Variants in GREM1 observed in about 807,000 individuals in gnomAD.
GREM1 encodes gremlin 1, DAN family BMP antagonist, also known as gremlin-1.
In GREM1, 6 loss-of-function variants were observed where a neutral mutation model predicts 13.1. The observed-to-expected ratio is 0.46, with a 90% confidence interval of 0.25 to 0.91. The LOEUF (loss-of-function observed/expected upper bound fraction) is 0.91, where lower values mean the gene tolerates loss of function less well. Among genes scored for constraint, GREM1 ranks in the 40% least tolerant of loss-of-function variants. The pLI, the probability that GREM1 is intolerant of heterozygous loss-of-function variation, is 0.18. For synonymous variants in GREM1, 98 were observed against 93.7 expected, an observed-to-expected ratio of 1.05 and a Z score of -0.27; for missense variants, 185 against 233.9, an observed-to-expected ratio of 0.79 and a Z score of 1.36.
rs538327429 is a variant in GREM1, at chr15:32,742,462, A to G, written c.*11217A>G. 6.6e-6 allele frequency: 1 copy of G among 152,310 alleles called. No individual in the cohort carries two copies. Among genetic ancestry groups the G allele is most frequent in the South Asian group, 2.1e-4 (1 of 4,824 alleles). 9.4% of individuals were successfully genotyped at this position (152,310 alleles called of 1,614,324 possible). ...ATGCCCATATTACCCAAAGTGATCT[A>G]TAGATTCATGCAATCCCCATCAAAA... On this transcript the variant is annotated 3_prime_UTR_variant, in exon 2 of 2. Transcript: ENST00000651154.
In GREM1 at chr15:32,730,672, T is replaced by G; in HGVS notation, c.-1-18T>G. The stretch of plus-strand genomic sequence containing the variant: ...GCCATGTTTTGTGTCTTCCCCTCTC[T>G]GTGCTTCCTTTCTTTAGTATGAGCC... On this transcript the variant is annotated intron_variant, in intron 1 of 1. Transcript: ENST00000651154. The G allele has an allele frequency of 2.0e-6, 3 of 1,508,386 alleles. No individual in the cohort carries two copies. The highest frequency in any genetic ancestry group is 2.7e-6 in the Non-Finnish European group (3 of 1,126,198). The allele number at this position is 1,508,386 out of a possible 1,614,324, so 93.4% of individuals were successfully genotyped here. A position where few individuals can be genotyped will look rare whatever the true frequency, so the allele number is the denominator to read the frequency against.
At position 32,731,267 on chromosome 15, in the gene GREM1, C is replaced by T. The variant is rs1368755506; in HGVS notation, c.*22C>T. 1.3e-6 allele frequency: 2 copies of T among 1,588,288 alleles called. No individual in the cohort carries two copies. Among genetic ancestry groups the T allele is most frequent in the East Asian group, 4.5e-5 (2 of 44,734 alleles). On this transcript the variant is annotated 3_prime_UTR_variant, in exon 2 of 2. Coordinates refer to ENST00000651154, the MANE Select transcript of GREM1 (RefSeq NM_013372.7). ...TTAAGCCAAATCCAGGTGCACCCAG[C>T]ATGTCCTAGGAATGCAGCCCCAGGA...
chr15:32,742,139 T>C lies in GREM1; in HGVS notation c.*10894T>C, dbSNP rs2055767291. The C allele has an allele frequency of 6.6e-6, 1 of 152,188 alleles. No homozygotes were observed. Among genetic ancestry groups the C allele is most frequent in the Non-Finnish European group, 1.5e-5 (1 of 68,018 alleles). 9.4% of individuals were successfully genotyped at this position (152,188 alleles called of 1,614,324 possible). ...AGGATATTGGGCTGTAATTTTCTTT[T>C]CTTGTGGTGTCTTTGTCCGGCTTTA... is the stretch of plus-strand genomic sequence containing the variant. On this transcript the variant is annotated 3_prime_UTR_variant, in exon 2 of 2. Coordinates refer to ENST00000651154, the MANE Select transcript of GREM1 (RefSeq NM_013372.7).
chr15:32,718,415 C>T (rs2055336344), intron 1 of GREM1: 1 of 481,194 alleles, frequency 2.1e-6, no homozygotes, highest in Admixed American at 2.3e-5. Context: ...AGGATGACCC[C>T]CACATCCCGT....
In GREM1 at chr15:32,736,757, G is replaced by A. The variant is rs1172525220; in HGVS notation, c.*5512G>A. ...CAAAGAAACAACAACAAACCCTGGG[G>A]AAATGACAGTACGATCAAACCATGC... On this transcript the variant is annotated 3_prime_UTR_variant, in exon 2 of 2. Coordinates refer to ENST00000651154, the MANE Select transcript of GREM1 (RefSeq NM_013372.7). 1 of 152,188 alleles carries A rather than the reference G, an allele frequency of 6.6e-6. No individual in the cohort carries two copies. The highest frequency in any genetic ancestry group is 2.4e-5 in the African/African-American group (1 of 41,444). 9.4% of individuals were successfully genotyped at this position (152,188 alleles called of 1,614,324 possible).
At chr15:32,718,384 A>G in intron 1 of GREM1, 1 of 494,152 alleles carries the variant, frequency 2.0e-6, no homozygotes, top group African/African-American at 1.9e-5. Flanking sequence ...AACGTAGGAA[A>G]AAAAGTTGTC....
rs2055744768 is a variant in GREM1 at position 32,739,665 on chromosome 15, C to T, written c.*8420C>T. On this transcript the variant is annotated 3_prime_UTR_variant, in exon 2 of 2. Transcript: ENST00000651154. ...TTCTGCAAAAATTCATGGCTAAATT[C>T]CTTTGTGAGGAATCCAGAAACTAAA... The T allele has an allele frequency of 6.6e-6, 1 of 152,190 alleles. No individual in the cohort carries two copies. Among genetic ancestry groups the T allele is most frequent in the East Asian group, 1.9e-4 (1 of 5,200 alleles). The allele number at this position is 152,190 out of a possible 1,614,324, so 9.4% of individuals were successfully genotyped here. A position where few individuals can be genotyped will look rare whatever the true frequency, so the allele number is the denominator to read the frequency against.
At chr15:32,727,447 C>T (rs2055531474) in intron 1 of GREM1, among the ~76,000 whole-genome samples, 1 of 152,174 alleles carries the variant, frequency 6.6e-6, no homozygotes, top group Non-Finnish European at 1.5e-5. Context: ...TTCAACACCC[C>T]TTCAATGCTA....
Position 32,738,326 on chromosome 15 carries a change from A to C in GREM1, c.*7081A>C, listed in dbSNP as rs1220695739. On this transcript the variant is annotated 3_prime_UTR_variant, in exon 2 of 2. Transcript: ENST00000651154. ...GTATTCTACACACTTGTAATGAAAA[A>C]TCTGAAAATAAAATTAAGAAAATAG... The C allele has an allele frequency of 1.3e-5, 2 of 151,840 alleles. No homozygotes were observed. Among genetic ancestry groups the C allele is most frequent in the African/African-American group, 4.8e-5 (2 of 41,386 alleles). The allele number at this position is 151,840 out of a possible 1,614,324, so 9.4% of individuals were successfully genotyped here. A position where few individuals can be genotyped will look rare whatever the true frequency, so the allele number is the denominator to read the frequency against.
chr15:32,733,165 C>T lies in GREM1; in HGVS notation c.*1920C>T. On this transcript the variant is annotated 3_prime_UTR_variant, in exon 2 of 2. Coordinates refer to ENST00000651154, the MANE Select transcript of GREM1 (RefSeq NM_013372.7). ...CTCACGCTAGGCGAATTTGTCCAAA[C>T]ACATAGTGTGTGTGTTTTGTATACA... The T allele has an allele frequency of 4.4e-6, 1 of 229,494 alleles. No individual in the cohort carries two copies. The highest frequency in any genetic ancestry group is 9.4e-6 in the Non-Finnish European group (1 of 106,434). 14.2% of individuals were successfully genotyped at this position (229,494 alleles called of 1,614,324 possible). A position where few individuals can be genotyped will look rare whatever the true frequency, so the allele number is the denominator to read the frequency against.
chr15:32,720,671 TG>T (rs530064672), intron 1 of GREM1, among the ~76,000 whole-genome samples: 5 of 152,246 alleles, frequency 3.3e-5, no homozygotes, highest in Non-Finnish European at 5.9e-5. Flanking sequence ...CAGGAATTCC[TG>T]GGACAAGAGA....
In GREM1 at chr15:32,733,858, TC is replaced by T. The variant is rs1285002959; in HGVS notation, c.*2615del. The T allele has an allele frequency of 4.2e-6, 1 of 240,184 alleles. No homozygotes were observed. The highest frequency in any genetic ancestry group is 8.8e-6 in the Non-Finnish European group (1 of 113,346). The allele number at this position is 240,184 out of a possible 1,614,324, so 14.9% of individuals were successfully genotyped here. The stretch of plus-strand genomic sequence containing the variant: ...TGGCATTAAAAGAAAAAAACACACA[TC>T]CTGGAAGTCTGTAAGTTGTTTTTTG... On this transcript the variant is annotated 3_prime_UTR_variant, in exon 2 of 2. Coordinates refer to ENST00000651154, the MANE Select transcript of GREM1 (RefSeq NM_013372.7).
chr15:32,725,222 C>T (rs1441627852), intron 1 of GREM1, among the ~76,000 whole-genome samples: 1 of 152,210 alleles, frequency 6.6e-6, no homozygotes, highest in African/African-American at 2.4e-5. Context: ...CTGTCTTCCA[C>T]AACGGTTGAA....
rs1450760690 is a variant in GREM1, at chr15:32,734,920, A to G, written c.*3675A>G. 1.8e-5 allele frequency: 3 copies of G among 163,330 alleles called. No homozygotes were observed. In the Admixed American group the frequency reaches 1.9e-4, roughly 11 times the overall value. 10.1% of individuals were successfully genotyped at this position (163,330 alleles called of 1,614,324 possible). On this transcript the variant is annotated 3_prime_UTR_variant, in exon 2 of 2. Coordinates refer to ENST00000651154, the MANE Select transcript of GREM1 (RefSeq NM_013372.7). Reference sequence around the variant, plus strand: ...TAGAGCACAACTAGAAAGAAGAACTATAGAGTGTTATAAGGGAGGCCCTGA... The same window carrying G: ...TAGAGCACAACTAGAAAGAAGAACTGTAGAGTGTTATAAGGGAGGCCCTGA...
At position 32,738,082 on chromosome 15, in the gene GREM1, G is replaced by GC. The variant is rs1393183933; in HGVS notation, c.*6838dup. ...TGGAGGTTCTACCTAGGGTAATTAG[G>GC]CAAAAAAAAAAAAAAAAAAAAAAAA... On this transcript the variant is annotated 3_prime_UTR_variant, in exon 2 of 2. Coordinates refer to ENST00000651154, the MANE Select transcript of GREM1 (RefSeq NM_013372.7). 20 of 15,792 alleles carry GC rather than the reference G, an allele frequency of 1.3e-3. No individual in the cohort carries two copies. The highest frequency in any genetic ancestry group is 4.8e-3 in the South Asian group (1 of 208). The allele number at this position is 15,792 out of a possible 1,614,324, so 1.0% of individuals were successfully genotyped here. A position where few individuals can be genotyped will look rare whatever the true frequency, so the allele number is the denominator to read the frequency against.
chr15:32,744,637 A>G lies in GREM1; in HGVS notation c.*13392A>G, dbSNP rs2055790654. The G allele has an allele frequency of 1.3e-5, 2 of 151,834 alleles. No homozygotes were observed. The highest frequency in any genetic ancestry group is 4.2e-4 in the South Asian group (2 of 4,814). 9.4% of individuals were successfully genotyped at this position (151,834 alleles called of 1,614,324 possible). A position where few individuals can be genotyped will look rare whatever the true frequency, so the allele number is the denominator to read the frequency against. On this transcript the variant is annotated 3_prime_UTR_variant, in exon 2 of 2. Coordinates refer to ENST00000651154, the MANE Select transcript of GREM1 (RefSeq NM_013372.7). The stretch of plus-strand genomic sequence containing the variant: ...TTATTGCTTTTAATCTAGTGAATTC[A>G]TAAATCGTCACTTAACTCAAGCAAA...
chr15:32,738,663 C>T lies in GREM1; in HGVS notation c.*7418C>T, dbSNP rs960721846. On this transcript the variant is annotated 3_prime_UTR_variant, in exon 2 of 2. Coordinates refer to ENST00000651154, the MANE Select transcript of GREM1 (RefSeq NM_013372.7). ...TTAAAAAGTTGGAGAACTCACACTT[C>T]CTGGTTTCATAACATACACCAGGCT... 6.6e-6 allele frequency: 1 copy of T among 152,190 alleles called. No individual in the cohort carries two copies. The allele number at this position is 152,190 out of a possible 1,614,324, so 9.4% of individuals were successfully genotyped here.
chr15:32,740,904 C>G lies in GREM1; in HGVS notation c.*9659C>G, dbSNP rs1199489054. The G allele has an allele frequency of 6.6e-6, 1 of 152,022 alleles. No individual in the cohort carries two copies. The highest frequency in any genetic ancestry group is 6.6e-5 in the Admixed American group (1 of 15,244). 9.4% of individuals were successfully genotyped at this position (152,022 alleles called of 1,614,324 possible). On this transcript the variant is annotated 3_prime_UTR_variant, in exon 2 of 2. Transcript: ENST00000651154. Reference sequence around the variant, plus strand: ...CATTTCTAAAATCAATCATGGTGGCCAAACGGAATGAGCATTCTGATTTGC... The same window carrying G: ...CATTTCTAAAATCAATCATGGTGGCGAAACGGAATGAGCATTCTGATTTGC...
intron 1 of GREM1, chr15:32,718,455 T>G (rs1164954810): frequency 4.5e-5 from 21 of 470,286 alleles, no homozygotes; most frequent in Middle Eastern, 3.1e-4. Flanking sequence ...CCGAACACGC[T>G]CCTGGTGCTG....
Sources: allele counts gnomAD v4.1 joint callset (sites outside exome capture counted in the v4.1 genomes callset), GRCh38; gene constraint gnomAD v4.1.1; transcripts MANE v1.5; gene names NCBI Gene and HGNC (gene_info 2026-07-23, HGNC 2026-07-21).